The following KHDRBS2 variants were observed in gnomAD, a reference collection of about 807,000 sequenced individuals.
The protein encoded by KHDRBS2 is KH RNA binding domain containing, signal transduction associated 2.
Under a neutral mutation model 44.3 loss-of-function variants are expected in KHDRBS2, and 26 were observed. The observed-to-expected ratio is 0.59, with a 90% CI of 0.43 to 0.81. The LOEUF (loss-of-function observed/expected upper bound fraction) is 0.81, where lower values mean the gene tolerates loss of function less well. KHDRBS2 is among the 40% of genes least tolerant of loss of function. The pLI is 0.00. For synonymous variants in KHDRBS2, 194 were observed against 151.1 expected (o/e 1.28, Z -2.08); for missense variants, 476 against 433.1 (o/e 1.10, Z -0.88).
At chr6:62,025,076 C>A (rs1783046127) in intron 3 of KHDRBS2, among the ~76,000 whole-genome samples, 1 of 151,568 alleles carries the variant, frequency 6.6e-6, no homozygotes, top group African/African-American at 2.4e-5. Context: ...ATCTAGAAAT[C>A]AGGAAAAATC....
intron 6 of KHDRBS2, among the ~76,000 whole-genome samples, chr6:61,884,787 C>T (rs1800693370): frequency 6.6e-6 from 1 of 152,090 alleles, no homozygotes; most frequent in East Asian, 1.9e-4. Flanking sequence ...ACTTTTAGTA[C>T]CAGCAAGAAA....
intron 6 of KHDRBS2, among the ~76,000 whole-genome samples, chr6:61,790,098 C>T (rs749703147): frequency 1.3e-4 from 20 of 151,390 alleles, no homozygotes; most frequent in Non-Finnish European, 2.1e-4. Context: ...ATATCCAGAG[C>T]AAGATTATGG....
chr6:61,663,052 A>T, the KHDRBS2 span, among the ~76,000 whole-genome samples: 3,748 of 152,058 alleles, frequency 0.025, 73 homozygotes, highest in Middle Eastern at 0.082. Flanking sequence ...CAAATACACC[A>T]CGGAATACTA....
chr6:62,196,833 C>T (rs762443658), intron 1 of KHDRBS2, among the ~76,000 whole-genome samples: 11 of 152,016 alleles, frequency 7.2e-5, no homozygotes, highest in Non-Finnish European at 1.3e-4. Context: ...GATGCTGGCT[C>T]GACATGCTCA....
At chr6:61,755,735 G>A (rs1309621736) in intron 6 of KHDRBS2, among the ~76,000 whole-genome samples, 1 of 151,338 alleles carries the variant, frequency 6.6e-6, no homozygotes, top group African/African-American at 2.4e-5. Context: ...GGGAGGCGGA[G>A]GTTGCAGTGA....
chr6:62,139,901 C>T (rs1194384572), intron 2 of KHDRBS2, among the ~76,000 whole-genome samples: 4 of 152,196 alleles, frequency 2.6e-5, no homozygotes, highest in Middle Eastern at 3.4e-3. Context: ...GCCCACCCGC[C>T]GCCAATGCCA....
chr6:61,620,632 T>G, the KHDRBS2 span, among the ~76,000 whole-genome samples: 1 of 152,210 alleles, frequency 6.6e-6, no homozygotes, highest in Non-Finnish European at 1.5e-5. Context: ...CCCTTAGATC[T>G]TCCTTCAGGA....
At chr6:62,262,586 A>G (rs1306867973) in intron 1 of KHDRBS2, among the ~76,000 whole-genome samples, 1 of 151,820 alleles carries the variant, frequency 6.6e-6, no homozygotes, top group Non-Finnish European at 1.5e-5. Flanking sequence ...GGTTTTAACA[A>G]ACATTTGTTG....
intron 2 of KHDRBS2, among the ~76,000 whole-genome samples, chr6:62,162,420 T>C (rs1287488391): frequency 6.6e-6 from 1 of 152,096 alleles, no homozygotes; most frequent in Non-Finnish European, 1.5e-5. Flanking sequence ...TTCTGGTCTC[T>C]ATAGTTTCTG....
chr6:61,881,011 A>T (rs996739635), intron 6 of KHDRBS2, among the ~76,000 whole-genome samples: 1 of 151,950 alleles, frequency 6.6e-6, no homozygotes, highest in Non-Finnish European at 1.5e-5. Flanking sequence ...TGCAGCTTCT[A>T]GATGGCCATT....
intron 1 of KHDRBS2, among the ~76,000 whole-genome samples, chr6:62,199,394 A>C (rs1185809804): frequency 6.6e-6 from 1 of 152,224 alleles, no homozygotes; most frequent in Non-Finnish European, 1.5e-5. Flanking sequence ...GCAAAGTCTC[A>C]GGATACAAAA....
intron 3 of KHDRBS2, among the ~76,000 whole-genome samples, chr6:62,034,416 C>A (rs1784887151): frequency 6.6e-6 from 1 of 151,754 alleles, no homozygotes; most frequent in Non-Finnish European, 1.5e-5. Flanking sequence ...ACACAAAAAT[C>A]CTCAACAAAA....
intron 2 of KHDRBS2, among the ~76,000 whole-genome samples, chr6:62,056,713 T>C (rs1790365261): frequency 6.6e-6 from 1 of 151,986 alleles, no homozygotes; most frequent in South Asian, 2.1e-4. Context: ...TTCCCCTTTA[T>C]TGATGACAGT....
chr6:62,085,856 T>A (rs1434412318), intron 2 of KHDRBS2, among the ~76,000 whole-genome samples: 1 of 152,082 alleles, frequency 6.6e-6, no homozygotes, highest in African/African-American at 2.4e-5. Flanking sequence ...GAGGGAAAAA[T>A]AATTTACTTG....
chr6:62,137,873 C>A (rs1811913748), intron 2 of KHDRBS2, among the ~76,000 whole-genome samples: 1 of 152,166 alleles, frequency 6.6e-6, no homozygotes. Context: ...CCCAAAGTTA[C>A]ATGAACAAAG....
At chr6:62,227,632 C>T (rs936643375) in intron 1 of KHDRBS2, among the ~76,000 whole-genome samples, 24 of 152,206 alleles carry the variant, frequency 1.6e-4, no homozygotes, top group Admixed American at 5.2e-4. Flanking sequence ...CCAGCTTTTG[C>T]TCATTGAGTA....
chr6:62,081,181 T>G (rs949092325), intron 2 of KHDRBS2, among the ~76,000 whole-genome samples: 7 of 152,150 alleles, frequency 4.6e-5, no homozygotes, highest in African/African-American at 1.7e-4. Flanking sequence ...TTAAAAAGGC[T>G]TATATATGTA....
intron 2 of KHDRBS2, among the ~76,000 whole-genome samples, chr6:62,127,016 C>A: frequency 6.6e-6 from 1 of 152,184 alleles, no homozygotes; most frequent in South Asian, 2.1e-4. Context: ...TAATGCTGCA[C>A]CATCTTTCAC....
At chr6:62,048,117 A>AAGATAC (rs1554347684) in intron 2 of KHDRBS2, 123 bp from the exon 3 acceptor site, 10 of 523,686 alleles carry the variant, frequency 1.9e-5, no homozygotes, top group Admixed American at 9.0e-5. Flanking sequence ...TCATGCCATA[A>AAGATAC]ACATACACAC....
Sources: gnomAD v4.1 joint callset for allele counts (sites outside exome capture counted in the v4.1 genomes callset) on GRCh38, gnomAD v4.1.1 for gene constraint, MANE v1.5 for transcripts, NCBI Gene and HGNC (gene_info 2026-07-23, HGNC 2026-07-21) for gene names.